XIRP2: variants seen among roughly 807,000 people sequenced by gnomAD.
The protein encoded by XIRP2 is xin actin binding repeat containing 2.
XIRP2 carries 236 observed loss-of-function variants against 277.0 expected under a neutral mutation model. The ratio of observed to expected loss-of-function variants is 0.85; its 90% CI spans 0.77 to 0.95. The LOEUF (loss-of-function observed/expected upper bound fraction) is 0.95. Ranked by LOEUF, XIRP2 falls within the 40% of genes least tolerant of loss-of-function variation. The probability of loss-of-function intolerance (pLI) is 0.00; values close to 1 mark genes in which losing one functional copy is unlikely to be tolerated. For synonymous variants in XIRP2, 1,490 were observed against 1,416.5 expected (o/e 1.05, Z -1.17); for missense variants, 4,640 against 4,157.5 (o/e 1.12, Z -3.19).
intron 2 of XIRP2, among the ~76,000 whole-genome samples, chr2:166,943,826 T>G (rs1558925453): frequency 6.6e-6 from 1 of 152,226 alleles, no homozygotes; most frequent in Non-Finnish European, 1.5e-5. Flanking sequence ...ATAGATGTAA[T>G]TTTTAGCCTA....
intron 2 of XIRP2, among the ~76,000 whole-genome samples, chr2:167,017,391 T>C (rs1322059219): frequency 4.6e-5 from 7 of 152,020 alleles, no homozygotes; most frequent in South Asian, 4.1e-4. Flanking sequence ...TCACCATGTA[T>C]TCCTCTCTGT....
intron 2 of XIRP2, among the ~76,000 whole-genome samples, chr2:166,905,247 A>C (rs1275926199): frequency 1.3e-5 from 2 of 152,028 alleles, no homozygotes; most frequent in Non-Finnish European, 2.9e-5. Flanking sequence ...AAAGCCACAG[A>C]AAATAATTTC....
At chr2:167,235,390 G>C (rs895120362) in intron 5 of XIRP2, among the ~76,000 whole-genome samples, 1 of 151,648 alleles carries the variant, frequency 6.6e-6, no homozygotes, top group African/African-American at 2.4e-5. Flanking sequence ...GGAAGAATTT[G>C]GAATCTCAAT....
intron 2 of XIRP2, among the ~76,000 whole-genome samples, chr2:166,920,543 T>C (rs1226030971): frequency 6.6e-6 from 1 of 152,192 alleles, no homozygotes; most frequent in East Asian, 1.9e-4. Context: ...GTTAACATCT[T>C]TGAAACTGAT....
intron 3 of XIRP2, among the ~76,000 whole-genome samples, chr2:167,206,409 T>C (rs1693853531): frequency 6.6e-6 from 1 of 152,202 alleles, no homozygotes; most frequent in African/African-American, 2.4e-5. Flanking sequence ...TTCTGTACCA[T>C]ATATTATCCT....
At chr2:166,985,439 C>CTT (rs535512847) in intron 2 of XIRP2, among the ~76,000 whole-genome samples, 5 of 144,742 alleles carry the variant, frequency 3.5e-5, no homozygotes, top group Non-Finnish European at 6.1e-5. Flanking sequence ...TCTTTTCTTT[C>CTT]TTTTTTTTTT....
chr2:166,944,848 C>G (rs976341973), intron 2 of XIRP2, among the ~76,000 whole-genome samples: 6 of 152,096 alleles, frequency 3.9e-5, no homozygotes, highest in African/African-American at 1.4e-4. Flanking sequence ...CATCTATTGA[C>G]AGAGCTGGGG....
At chr2:167,141,210 G>A (rs1691708369) in intron 3 of XIRP2, among the ~76,000 whole-genome samples, 1 of 152,080 alleles carries the variant, frequency 6.6e-6, no homozygotes, top group Admixed American at 6.6e-5. Flanking sequence ...TTAATATTCT[G>A]ACTGTAGAAT....
In XIRP2 at chr2:167,191,217, GAAAGAAAAGA is replaced by G. The variant is rs376744900; in HGVS notation, c.563-19502_563-19493del. 4.8e-3 allele frequency among the ~76,000 whole-genome samples: 709 copies of G among 148,172 alleles called. 2 individuals are homozygous for G. Among genetic ancestry groups the G allele is most frequent in the Non-Finnish European group, 8.5e-3 (568 of 67,060 alleles). ...AAAAAAAAAAAGAAAAAGAAAGAAA[GAAAGAAAAGA>G]AAAGAAAAGAAAAGACATTGCTAAC... On this transcript the variant is annotated intron_variant, in intron 3 of 10. Transcript: ENST00000409195.
At chr2:167,120,064 G>A (rs182490907) in intron 2 of XIRP2, among the ~76,000 whole-genome samples, 113 of 152,198 alleles carry the variant, frequency 7.4e-4, no homozygotes, top group Non-Finnish European at 4.4e-5. Context: ...TTTGCACCAA[G>A]CCTTTAAACG....
At chr2:166,987,086 G>T (rs1214057581) in intron 2 of XIRP2, among the ~76,000 whole-genome samples, 1 of 152,060 alleles carries the variant, frequency 6.6e-6, no homozygotes, top group Non-Finnish European at 1.5e-5. Flanking sequence ...GTATAAACAT[G>T]TTTAAATCCA....
chr2:167,109,275 C>G (rs1690685302), intron 2 of XIRP2, among the ~76,000 whole-genome samples: 1 of 151,482 alleles, frequency 6.6e-6, no homozygotes, highest in Non-Finnish European at 1.5e-5. Flanking sequence ...ACATTTTCTT[C>G]TCCTTCTCCT....
At chr2:167,155,569 A>G (rs1378159654) in intron 3 of XIRP2, among the ~76,000 whole-genome samples, 1 of 152,222 alleles carries the variant, frequency 6.6e-6, no homozygotes, top group Non-Finnish European at 1.5e-5. Flanking sequence ...AAAACACTCA[A>G]TAAATTAGGT....
At chr2:167,000,131 G>A (rs998079140) in intron 2 of XIRP2, among the ~76,000 whole-genome samples, 1 of 152,072 alleles carries the variant, frequency 6.6e-6, no homozygotes, top group African/African-American at 2.4e-5. Flanking sequence ...TTTCAGTTAG[G>A]AAAATGTAAA....
chr2:167,247,367 G>T lies in XIRP2; in HGVS notation c.5975G>T (p.Gly1992Val). ...GPFEPAAKWQ[G>V]GADTLSQTMG... ...TTTGAGCCAGCGGCCAAGTGGCAAGGGGGAGCAGATACTCTCAGTCAAACT... is the reference window on the plus strand; with the variant it reads ...TTTGAGCCAGCGGCCAAGTGGCAAGTGGGAGCAGATACTCTCAGTCAAACT... Residue 1992 changes from glycine (G) to valine (V), a missense_variant, in exon 9 of 11, where the codon GGG becomes GTG. Physicochemically the swap from Gly to Val is moderately radical, Grantham distance 109. Coordinates refer to ENST00000409195, the MANE Select transcript of XIRP2 (RefSeq NM_152381.6). 6.2e-7 allele frequency: 1 copy of T among 1,613,712 alleles called. No homozygotes were observed. The highest frequency in any genetic ancestry group is 8.5e-7 in the Non-Finnish European group (1 of 1,179,802).
chr2:167,143,107 T>C (rs1448575260), intron 3 of XIRP2, among the ~76,000 whole-genome samples: 3 of 152,138 alleles, frequency 2.0e-5, no homozygotes, highest in Non-Finnish European at 4.4e-5. Context: ...GAACACAGAA[T>C]GGGAGCAGTA....
chr2:166,971,419 G>A (rs1284460906), intron 2 of XIRP2, among the ~76,000 whole-genome samples: 1 of 151,956 alleles, frequency 6.6e-6, no homozygotes, highest in Non-Finnish European at 1.5e-5. Context: ...GGGCCTATGT[G>A]ATATTAACTT....
chr2:166,933,826 A>G (rs939498024), intron 2 of XIRP2, among the ~76,000 whole-genome samples: 7 of 152,142 alleles, frequency 4.6e-5, no homozygotes, highest in Non-Finnish European at 7.4e-5. Flanking sequence ...AGGTTTTCCT[A>G]ATACTATTTT....
At chr2:167,187,937 T>C (rs1693205541) in intron 3 of XIRP2, among the ~76,000 whole-genome samples, 3 of 152,206 alleles carry the variant, frequency 2.0e-5, no homozygotes. Context: ...AGGAAGAGTT[T>C]ACAACATTTT....
Sources: allele counts gnomAD v4.1 joint callset (sites outside exome capture counted in the v4.1 genomes callset), GRCh38; gene constraint gnomAD v4.1.1; transcripts MANE v1.5; gene names NCBI Gene and HGNC (gene_info 2026-07-23, HGNC 2026-07-21).